Variants in APP observed in about 807,000 individuals in gnomAD.
The protein encoded by APP is amyloid beta precursor protein, also known as amyloid-beta precursor protein.
Under a neutral mutation model 101.4 loss-of-function variants are expected in APP, and 31 were observed. The ratio of observed to expected loss-of-function variants is 0.31; its 90% CI spans 0.23 to 0.41. APP has a LOEUF of 0.41. Ranked by LOEUF, APP falls within the 10% of genes least tolerant of loss-of-function variation. APP has a pLI of 1.00. For synonymous variants in APP, 366 were observed against 364.4 expected (o/e 1.00, Z -0.05); for missense variants, 839 against 1,003.7 (o/e 0.84, Z 2.22).
At chr21:25,985,990 C>T (rs73899740) in intron 8 of APP, among the ~76,000 whole-genome samples, 3,024 of 152,202 alleles carry the variant, frequency 0.02, 96 homozygotes, top group African/African-American at 0.067. Context: ...GTGAGGATCC[C>T]GGAAGGAGAG....
At chr21:25,926,847 C>CA (rs1396070795) in intron 13 of APP, among the ~76,000 whole-genome samples, 4 of 151,184 alleles carry the variant, frequency 2.6e-5, no homozygotes, top group Admixed American at 6.6e-5. Flanking sequence ...ACTGAAAATA[C>CA]AAAAAAAATT....
At chr21:26,155,920 C>T (rs2063365501) in intron 1 of APP, among the ~76,000 whole-genome samples, 3 of 151,310 alleles carry the variant, frequency 2.0e-5, no homozygotes, top group Admixed American at 1.3e-4. Context: ...TGGCGTGAAC[C>T]CAGGAGGGAG....
Position 26,170,581 on chromosome 21 carries a change from T to C in APP, c.40A>G (p.Thr14Ala). 4 of 1,538,852 alleles carry C rather than the reference T, an allele frequency of 2.6e-6. No individual in the cohort carries two copies. Among genetic ancestry groups the C allele is most frequent in the Non-Finnish European group, 2.6e-6 (3 of 1,146,442 alleles). Residue 14 changes from threonine to alanine, a missense_variant, in exon 1 of 18, where the codon ACG (threonine) becomes GCG (alanine). Thr to Ala is a moderately conservative substitution (Grantham distance 58, BLOSUM62 0). Coordinates refer to ENST00000346798, the MANE Select transcript of APP (RefSeq NM_000484.4). The part of the protein sequence containing the change: ...GLALLLLAAW[T>A]ARALEVPTDG... ...GCACCCACCTCCAGCGCCCGAGCCG[T>C]CCAGGCGGCCAGCAGGAGCAGTGCC...
chr21:25,881,933 C>T (rs981710328), intron 17 of APP, among the ~76,000 whole-genome samples, 162 bp from the exon 18 acceptor site: 8 of 152,122 alleles, frequency 5.3e-5, no homozygotes, highest in Admixed American at 3.9e-4. Context: ...AGCAGAACGC[C>T]TTTGCCCACC....
intron 8 of APP, among the ~76,000 whole-genome samples, chr21:25,985,261 T>C (rs1339841089): frequency 6.6e-6 from 1 of 152,210 alleles, no homozygotes; most frequent in Non-Finnish European, 1.5e-5. Context: ...GGTAATTAAT[T>C]TTCTGTGCCA....
intron 3 of APP, among the ~76,000 whole-genome samples, chr21:26,085,470 G>T (rs1380293030): frequency 6.6e-6 from 1 of 152,130 alleles, no homozygotes; most frequent in East Asian, 1.9e-4. Context: ...AGTGCAGGTC[G>T]GTGGGGAGAG....
At chr21:26,005,647 T>C (rs367906998) in intron 6 of APP, among the ~76,000 whole-genome samples, 20 of 152,346 alleles carry the variant, frequency 1.3e-4, no homozygotes, top group Middle Eastern at 6.8e-3. Flanking sequence ...ACATCTTCAA[T>C]AAGCCGCATC....
chr21:26,100,435 G>A (rs555851926), intron 2 of APP, among the ~76,000 whole-genome samples: 2 of 152,322 alleles, frequency 1.3e-5, no homozygotes, highest in African/African-American at 4.8e-5. Context: ...GGTGCCCATA[G>A]CAAAGTAATA....
At chr21:25,899,242 T>C (rs1207362815) in intron 15 of APP, among the ~76,000 whole-genome samples, 1 of 152,222 alleles carries the variant, frequency 6.6e-6, no homozygotes, top group Non-Finnish European at 1.5e-5. Context: ...CTTCAAGTTC[T>C]CTTAGCCTGC....
At chr21:25,945,634 T>A in intron 13 of APP, 1 of 256,382 alleles carries the variant, frequency 3.9e-6, no homozygotes, top group Non-Finnish European at 7.8e-6. Context: ...AATAAACCCA[T>A]ATTATCTATG....
intron 17 of APP, among the ~76,000 whole-genome samples, chr21:25,889,113 T>G (rs920012876): frequency 1.3e-5 from 2 of 152,116 alleles, no homozygotes; most frequent in African/African-American, 4.8e-5. Flanking sequence ...CTAAAACGTG[T>G]CCCCCTAGAA....
intron 1 of APP, among the ~76,000 whole-genome samples, chr21:26,145,757 A>G (rs1386264539): frequency 6.6e-6 from 1 of 151,922 alleles, no homozygotes; most frequent in Non-Finnish European, 1.5e-5. Context: ...TAATACACAT[A>G]TAAATTTTCT....
At chr21:26,017,194 A>T (rs2044125027) in intron 6 of APP, among the ~76,000 whole-genome samples, 2 of 114,566 alleles carry the variant, frequency 1.7e-5, no homozygotes, top group African/African-American at 3.2e-5. Flanking sequence ...GCGAGACTGT[A>T]TCTCAAAAAA....
intron 1 of APP, among the ~76,000 whole-genome samples, chr21:26,117,776 C>T (rs149877392): frequency 1.2e-4 from 18 of 152,144 alleles, no homozygotes; most frequent in African/African-American, 3.9e-4. Flanking sequence ...TTCTATTTAC[C>T]CTTGTGGAGA....
chr21:25,881,274 T>TC lies in APP; in HGVS notation c.*395dup, dbSNP rs2036967848. ...TGAACTCCCACGTTCACATGAAGCA[T>TC]CCCCCATCGATTCTTAAAGCATATG... On this transcript the variant is annotated 3_prime_UTR_variant, in exon 18 of 18. Transcript: ENST00000346798. 1 of 269,890 alleles carries TC rather than the reference T, an allele frequency of 3.7e-6. No individual in the cohort carries two copies. Among genetic ancestry groups the TC allele is most frequent in the South Asian group, 4.3e-5 (1 of 23,216 alleles). The allele number at this position is 269,890 out of a possible 1,614,324, so 16.7% of individuals were successfully genotyped here.
intron 5 of APP, among the ~76,000 whole-genome samples, chr21:26,035,515 C>G (rs1314451074): frequency 8.5e-5 from 13 of 152,108 alleles, no homozygotes; most frequent in Non-Finnish European, 1.8e-4. Flanking sequence ...TGTAGGAGGT[C>G]AAACCTGACA....
At chr21:26,004,473 TA>T (rs2043435122) in intron 6 of APP, among the ~76,000 whole-genome samples, 1 of 151,784 alleles carries the variant, frequency 6.6e-6, no homozygotes, top group African/African-American at 2.4e-5. Flanking sequence ...TTCGATTTTT[TA>T]GTAGACACGG....
chr21:26,009,561 G>A (rs1040590939), intron 6 of APP: 4 of 151,466 alleles, frequency 2.6e-5, no homozygotes, highest in African/African-American at 9.7e-5. Context: ...ATCAATTCAA[G>A]GGCTTAGAAT....
chr21:25,978,278 C>CACT (rs1162142475), intron 9 of APP, among the ~76,000 whole-genome samples: 1 of 152,216 alleles, frequency 6.6e-6, no homozygotes, highest in Non-Finnish European at 1.5e-5. Flanking sequence ...AATGAATACA[C>CACT]ACTATATGTA....
Sources: allele counts gnomAD v4.1 joint callset (sites outside exome capture counted in the v4.1 genomes callset), GRCh38; gene constraint gnomAD v4.1.1; transcripts MANE v1.5; gene names NCBI Gene and HGNC (gene_info 2026-07-23, HGNC 2026-07-21).